Variants in CACNA1F observed in about 807,000 individuals in gnomAD.
CACNA1F encodes calcium voltage-gated channel subunit alpha1 F.
Under a neutral mutation model 143.8 loss-of-function variants are expected in CACNA1F, and 59 were observed. The ratio of observed to expected loss-of-function variants is 0.41; its 90% confidence interval spans 0.33 to 0.51. The LOEUF (loss-of-function observed/expected upper bound fraction) is 0.51, where lower values mean the gene tolerates loss of function less well. Ranked by LOEUF, CACNA1F falls within the 20% of genes least tolerant of loss-of-function variation. The pLI, the probability that CACNA1F is intolerant of heterozygous loss-of-function variation, is 0.22. For missense variants in CACNA1F, 1,411 were observed against 1,647.5 expected (o/e 0.86, Z 2.48); for synonymous variants, 643 against 649.1 (o/e 0.99, Z 0.14).
intron 13 of CACNA1F, 68 bp downstream of exon 13, chrX:49,225,841 T>C (rs782469238): frequency 9.2e-7 from 1 of 1,089,100 alleles, no homozygotes; most frequent in African/African-American, 1.9e-5. Flanking sequence ...CTAGAGGTTT[T>C]GGATTTAAGC....
chrX:49,206,354 C>T (rs1300314734), intron 46 of CACNA1F, among the ~76,000 whole-genome samples, 157 bp downstream of exon 46: 4 of 86,703 alleles, frequency 4.6e-5, no homozygotes, highest in African/African-American at 1.4e-4. Flanking sequence ...GATCTCAACA[C>T]TGTACTCCAG....
Position 49,219,610 on chromosome X carries a change from C to T in CACNA1F, c.2543+24G>A, listed in dbSNP as rs1273970405. 3.4e-6 allele frequency: 4 copies of T among 1,191,423 alleles called. No individual in the cohort carries two copies. The East Asian group carries it at 1.2e-4, about 36-fold the overall frequency. ...ACCTGCCCTAGCCCCTCCTGCCTCA[C>T]CCCCTGCCACTTCCGGCACTCACGG... On this transcript the variant is annotated intron_variant, in intron 20 of 47. Transcript: ENST00000323022.
Position 49,215,381 on chromosome X carries a change from G to A in CACNA1F, c.3399C>T (p.Gly1133=), listed in dbSNP as rs1557107133. ...GFVIITFRAQ[G]EQEYQNCELD... ...GCTCACAGTTTTGGTACTCCTGCTC[G>A]CCCTGGGCACGGAAAGTGATGATGA... The change falls in exon 28 of 48, where the codon GGC becomes GGT. Residue 1133 remains glycine (G), a synonymous_variant. Coordinates refer to ENST00000323022, the MANE Select transcript of CACNA1F (RefSeq NM_001256789.3). 2 of 1,208,176 alleles carry A rather than the reference G, an allele frequency of 1.7e-6. No homozygotes were observed. The highest frequency in any genetic ancestry group is 1.8e-5 in the African/African-American group (1 of 56,726).
chrX:49,210,266 C>T, intron 39 of CACNA1F, 35 bp downstream of exon 39: 1 of 1,039,624 alleles, frequency 9.6e-7, no homozygotes, highest in Non-Finnish European at 1.4e-6. Flanking sequence ...TGCACCCTCC[C>T]CAGGAACGAT....
rs782175769 is a variant in CACNA1F at position 49,209,657 on chromosome X, G to T, written c.4793C>A (p.Ala1598Asp). Residue 1598 changes from alanine to aspartate, a missense_variant, in exon 41 of 48, where the codon GCC (alanine) becomes GAC (aspartate). By Grantham distance (126) the Ala-to-Asp change is moderately radical. Coordinates refer to ENST00000323022, the MANE Select transcript of CACNA1F (RefSeq NM_001256789.3). ...AAGGGCGGAAGAGGTGCTAGGGGCG[G>T]CGTCGTTGCCTAGTAGCCCTTTTTC... is the stretch of plus-strand genomic sequence containing the variant. ...RKEKGLLGNDAAPSTSSALQA... is the reference protein window; with the variant it reads ...RKEKGLLGNDDAPSTSSALQA... 8.3e-7 allele frequency: 1 copy of T among 1,210,996 alleles called. No individual in the cohort carries two copies. The highest frequency in any genetic ancestry group is 1.1e-6 in the Non-Finnish European group (1 of 894,977).
chrX:49,231,864 G>A lies in CACNA1F; in HGVS notation c.89C>T (p.Pro30Leu). ...AGPGPEWGLC[P>L]GPPAVEGESS... is the part of the protein sequence containing the mutation. ...TTCACCTTCCACAGCTGGGGGCCCG[G>A]GGCACAGCCCCCATTCGGGACCAGG... The change falls in exon 2 of 48, where the codon CCC becomes CTC. Residue 30 changes from proline (P) to leucine (L), a missense_variant. Physicochemically the swap from Pro to Leu is moderately conservative, Grantham distance 98. Coordinates refer to ENST00000323022, the MANE Select transcript of CACNA1F (RefSeq NM_001256789.3). The A allele has an allele frequency of 1.7e-6, 2 of 1,186,100 alleles. No homozygotes were observed. The highest frequency in any genetic ancestry group is 2.3e-6 in the Non-Finnish European group (2 of 882,227).
At position 49,225,975 on chromosome X, in the gene CACNA1F, A is replaced by G. The variant is rs1557109739; in HGVS notation, c.1585T>C (p.Phe529Leu). 2 of 1,170,986 alleles carry G rather than the reference A, an allele frequency of 1.7e-6. No homozygotes were observed. The highest frequency in any genetic ancestry group is 2.3e-6 in the Non-Finnish European group (2 of 875,200). ...GAGGCGATGGTCAACGTGTTGAGGAAGACGAGCAACAGCACAGCCCAGTAG... is the reference window on the plus strand; with the variant it reads ...GAGGCGATGGTCAACGTGTTGAGGAGGACGAGCAACAGCACAGCCCAGTAG... ...ACYWAVLLLVFLNTLTIASEH... is the reference protein window; with the variant it reads ...ACYWAVLLLVLLNTLTIASEH... Residue 529 changes from phenylalanine (F) to leucine (L), a missense_variant, in exon 13 of 48, where the codon TTC becomes CTC. Physicochemically the swap from Phe to Leu is conservative, Grantham distance 22. Around this residue, in one of 3 missense-constraint regions of CACNA1F, gnomAD observed 950 missense variants for 1,128.1 expected, o/e 0.84. Coordinates refer to ENST00000323022, the MANE Select transcript of CACNA1F (RefSeq NM_001256789.3).
intron 17 of CACNA1F, 131 bp from the exon 18 acceptor site, chrX:49,221,211 T>C (rs782719801): frequency 2.1e-3 from 1,183 of 552,780 alleles, no homozygotes; most frequent in Non-Finnish European, 3.0e-3. Flanking sequence ...CAACAGTCCG[T>C]TCTCAAAGCA....
chrX:49,228,723 C>T (rs2065849741), intron 6 of CACNA1F, among the ~76,000 whole-genome samples: 1 of 112,596 alleles, frequency 8.9e-6, no homozygotes. Flanking sequence ...TGCCACAACG[C>T]CCGGCTAATT....
chrX:49,205,128 G>A lies in CACNA1F; in HGVS notation c.*9C>T, dbSNP rs781934801. ...GAGGTTTATTGAGCAGTTGGGGAGG[G>A]GTGGGAATTCAGAGGGCGTGGACGC... On this transcript the variant is annotated 3_prime_UTR_variant, in exon 48 of 48. Coordinates refer to ENST00000323022, the MANE Select transcript of CACNA1F (RefSeq NM_001256789.3). 1 of 1,178,704 alleles carries A rather than the reference G, an allele frequency of 8.5e-7. No homozygotes were observed.
rs1557109479 is a variant in CACNA1F at position 49,224,830 on chromosome X, C to T, written c.1808G>A (p.Gly603Asp). ...TGAGATGCCCAAGGGCTGCATGGCACCCACCTCCACCAAGGTGGTCTCTAG... is the reference window on the plus strand; with the variant it reads ...TGAGATGCCCAAGGGCTGCATGGCATCCACCTCCACCAAGGTGGTCTCTAG... ...GILETTLVEVGAMQPLGISVL... is the reference protein window; with the variant it reads ...GILETTLVEVDAMQPLGISVL... The change falls in exon 14 of 48, where the codon GGT becomes GAT. Residue 603 changes from glycine (G) to aspartate (D), a missense_variant. Gly to Asp is a moderately conservative substitution (Grantham distance 94, BLOSUM62 -1). Coordinates refer to ENST00000323022, the MANE Select transcript of CACNA1F (RefSeq NM_001256789.3). 3 of 1,199,436 alleles carry T rather than the reference C, an allele frequency of 2.5e-6. No homozygotes were observed. Among genetic ancestry groups the T allele is most frequent in the Admixed American group, 4.5e-5 (2 of 44,764 alleles).
intron 26 of CACNA1F, among the ~76,000 whole-genome samples, chrX:49,216,811 C>T (rs1362906401): frequency 1.8e-5 from 2 of 112,132 alleles, no homozygotes. Flanking sequence ...GTGTCTGGCA[C>T]ATAGTTGGCA....
chrX:49,218,518 C>T lies in CACNA1F; in HGVS notation c.2865G>A (p.Lys955=). The change falls in exon 24 of 48, where the codon AAG becomes AAA. Residue 955 remains lysine, a synonymous_variant. Transcript: ENST00000323022. ...GIHSSAISVV[K]ILRVLRVLRP... is the part of the protein sequence containing the mutation. ...GCAGTACTCGGAGTACTCGCAGAAT[C>T]TTCACCACCGAGATGGCGCTGGAGC... is the stretch of plus-strand genomic sequence containing the variant. 8.5e-7 allele frequency: 1 copy of T among 1,173,609 alleles called. No individual in the cohort carries two copies. The highest frequency in any genetic ancestry group is 2.3e-4 in the Middle Eastern group (1 of 4,295).
rs781800075 is a variant in CACNA1F at position 49,231,003 on chromosome X, C to CG, written c.382-15dup. The CG allele has an allele frequency of 3.1e-5, 16 of 514,942 alleles. No individual in the cohort carries two copies. Among genetic ancestry groups the CG allele is most frequent in the African/African-American group, 1.9e-4 (5 of 25,819 alleles). The allele number at this position is 514,942 out of a possible 1,213,427, so 42.4% of individuals were successfully genotyped here. On this transcript the variant is annotated splice_polypyrimidine_tract_variant and intron_variant, in intron 3 of 47. Coordinates refer to ENST00000323022, the MANE Select transcript of CACNA1F (RefSeq NM_001256789.3). ...CTCCACCTGCTCCTGGGGGTGGGAC[C>CG]GGGGGGCGGGTCGGGAAGTCGAGGA...
At position 49,218,659 on chromosome X, in the gene CACNA1F, A is replaced by G. The variant is rs1557108056; in HGVS notation, c.2810T>C (p.Val937Ala). 8.3e-7 allele frequency: 1 copy of G among 1,203,243 alleles called. No individual in the cohort carries two copies. The change falls in exon 23 of 48, where the codon GTC becomes GCC. Residue 937 changes from valine to alanine, a missense_variant. Around this residue, in one of 3 missense-constraint regions of CACNA1F, gnomAD observed 950 missense variants for 1,128.1 expected, o/e 0.84. Coordinates refer to ENST00000323022, the MANE Select transcript of CACNA1F (RefSeq NM_001256789.3). ...SWFNMLDLLV[V>A]SVSLISFGIH... ...GCCAAAGGAGATGAGGGACACACTG[A>G]CCACCAGCAGATCCAACATATTAAA...
intron 31 of CACNA1F, 37 bp downstream of exon 31, chrX:49,213,782 A>G (rs1200208314): frequency 9.0e-6 from 9 of 995,485 alleles, no homozygotes; most frequent in Non-Finnish European, 1.3e-5. Flanking sequence ...GAAGGTGTAT[A>G]GGGCGAGAGT....
chrX:49,211,133 G>A (rs913962045), intron 36 of CACNA1F, 41 bp from the exon 37 acceptor site: 3 of 1,193,655 alleles, frequency 2.5e-6, no homozygotes, highest in Admixed American at 2.2e-5. Context: ...GTGAAGGGCA[G>A]AACACTGTCA....
chrX:49,220,888 G>A (rs374987231), intron 18 of CACNA1F, 147 bp downstream of exon 18: 6 of 544,826 alleles, frequency 1.1e-5, no homozygotes, highest in South Asian at 7.6e-5. Context: ...GCAGTGAGCC[G>A]AGATGGCACA....
chrX:49,210,272 A>T, intron 39 of CACNA1F, 29 bp downstream of exon 39: 2 of 1,060,773 alleles, frequency 1.9e-6, no homozygotes, highest in Non-Finnish European at 2.6e-6. Context: ...CTCCCCAGGA[A>T]CGATCCCACT....
Sources: allele counts gnomAD v4.1 joint callset (sites outside exome capture counted in the v4.1 genomes callset), GRCh38; gene constraint gnomAD v4.1.1; regional missense constraint gnomAD v4.1.1; transcripts MANE v1.5; gene names NCBI Gene and HGNC (gene_info 2026-07-23, HGNC 2026-07-21).